Variants in SELENOF observed in about 807,000 individuals in gnomAD.
SELENOF encodes selenoprotein F, also known as 15 kDa selenoprotein.
Under a neutral mutation model 20.5 loss-of-function variants are expected in SELENOF, and 16 were observed. That is an observed-to-expected ratio of 0.78 (90% CI 0.53 to 1.19). The LOEUF (loss-of-function observed/expected upper bound fraction) is 1.19, where lower values mean the gene tolerates loss of function less well. Among genes scored for constraint, SELENOF ranks in the 50% most tolerant of loss-of-function variants. The pLI is 0.00. For missense variants in SELENOF, 215 were observed against 194.2 expected (o/e 1.11, Z -0.64); for synonymous variants, 78 against 74.5 (o/e 1.05, Z -0.24).
Position 86,863,450 on chromosome 1 carries a change from G to C in SELENOF, c.*24C>G, listed in dbSNP as rs372533520. The C allele has an allele frequency of 1.8e-4, 283 of 1,598,992 alleles. 3 individuals are homozygous for C. Among genetic ancestry groups the C allele is most frequent in the South Asian group, 1.2e-3 (103 of 88,944 alleles). ...ATTTCATTTGATAAGGTAACAAAAG[G>C]ATAGGACAAAATTTAAGCAAGATTT... is the stretch of plus-strand genomic sequence containing the variant. On this transcript the variant is annotated 3_prime_UTR_variant, in exon 5 of 5. Transcript: ENST00000331835.
At chr1:86,880,821 A>T (rs1047254259) in intron 2 of SELENOF, 96 bp from the exon 3 acceptor site, 6 of 764,386 alleles carry the variant, frequency 7.8e-6, no homozygotes, top group Admixed American at 6.1e-5. Flanking sequence ...CATTACAGTT[A>T]GCAGATATAT....
At chr1:86,902,360 A>G (rs1028435337) in intron 2 of SELENOF, among the ~76,000 whole-genome samples, 1 of 152,214 alleles carries the variant, frequency 6.6e-6, no homozygotes, top group Admixed American at 6.5e-5. Context: ...TTGGCTGAAT[A>G]CTAACATTTC....
chr1:86,894,332 TG>T (rs1161800229), intron 2 of SELENOF, among the ~76,000 whole-genome samples: 2 of 152,092 alleles, frequency 1.3e-5, no homozygotes, highest in East Asian at 1.9e-4. Context: ...TAGCTTGCTT[TG>T]TTTTTTTATG....
At chr1:86,872,606 C>T (rs1658805878) in intron 3 of SELENOF, among the ~76,000 whole-genome samples, 2 of 147,746 alleles carry the variant, frequency 1.4e-5, no homozygotes, top group South Asian at 4.3e-4. Context: ...GTGTCGAATT[C>T]CCAACCTCAG....
chr1:86,877,218 T>C (rs765488214), intron 3 of SELENOF, among the ~76,000 whole-genome samples: 2 of 152,240 alleles, frequency 1.3e-5, no homozygotes. Flanking sequence ...GTGACTTACA[T>C]GTTATCTCAT....
chr1:86,887,057 T>C, intron 2 of SELENOF: 1 of 1,260,510 alleles, frequency 7.9e-7, no homozygotes, highest in African/African-American at 1.6e-5. Flanking sequence ...GAAAATATTA[T>C]CACCTAAACC....
intron 2 of SELENOF, among the ~76,000 whole-genome samples, chr1:86,889,439 T>C (rs553339928): frequency 9.2e-4 from 139 of 151,848 alleles, no homozygotes; most frequent in Non-Finnish European, 1.5e-3. Flanking sequence ...ACTAAAAATA[T>C]GAAAATCAGC....
At chr1:86,876,529 G>C (rs1010176377) in intron 3 of SELENOF, among the ~76,000 whole-genome samples, 5 of 151,884 alleles carry the variant, frequency 3.3e-5, no homozygotes, top group Non-Finnish European at 5.9e-5. Flanking sequence ...ATTGGTTTAA[G>C]GTACCTATGA....
Position 86,899,581 on chromosome 1 carries a change from G to A in SELENOF, c.252+3700C>T, listed in dbSNP as rs1360968316. Among the ~76,000 whole-genome samples, 61 of 150,716 alleles carry A rather than the reference G, an allele frequency of 4.0e-4. 1 individual carries two copies. Among genetic ancestry groups the A allele is most frequent in the Admixed American group, 3.4e-3 (51 of 15,220 alleles). On this transcript the variant is annotated intron_variant, in intron 2 of 4. Transcript: ENST00000331835. Reference sequence around the variant, plus strand: ...TCCCTCCCGGACGGGGCGGCTGGCCGGGCAGGGGGCTGACCCCCCAACCTC... The same window carrying A: ...TCCCTCCCGGACGGGGCGGCTGGCCAGGCAGGGGGCTGACCCCCCAACCTC...
Position 86,869,658 on chromosome 1 carries a change from A to T in SELENOF, c.317-1556T>A, listed in dbSNP as rs539895283. On this transcript the variant is annotated intron_variant, in intron 3 of 4. Coordinates refer to ENST00000331835, the MANE Select transcript of SELENOF (RefSeq NM_004261.5). Reference sequence around the variant, plus strand: ...ACTTTACCAATTTTCAATAATGATCATGCCTAATTAATTCAAATTAAAAGG... The same window carrying T: ...ACTTTACCAATTTTCAATAATGATCTTGCCTAATTAATTCAAATTAAAAGG... Among the ~76,000 whole-genome samples, 107 of 152,302 alleles carry T rather than the reference A, an allele frequency of 7.0e-4. 1 individual carries two copies. The highest frequency in any genetic ancestry group is 6.8e-3 in the Middle Eastern group (2 of 292).
In SELENOF at chr1:86,907,798, A is replaced by C. The variant is rs567833714; in HGVS notation, c.85-4350T>G. 5.9e-5 allele frequency among the ~76,000 whole-genome samples: 9 copies of C among 152,254 alleles called. No individual in the cohort carries two copies. The East Asian group carries it at 1.7e-3, about 29-fold the overall frequency. On this transcript the variant is annotated intron_variant, in intron 1 of 4. Transcript: ENST00000331835. ...CAGGAGTTTGAGACCAGCCTGGCCA[A>C]CATGGTGAAACCCCGTCTCTACTAA...
chr1:86,912,601 G>A (rs1660012579), intron 1 of SELENOF, among the ~76,000 whole-genome samples: 1 of 152,178 alleles, frequency 6.6e-6, no homozygotes, highest in Non-Finnish European at 1.5e-5. Flanking sequence ...TGCTCTTTTG[G>A]AGTGCTGCCC....
At chr1:86,906,334 T>C (rs890321797) in intron 1 of SELENOF, among the ~76,000 whole-genome samples, 1 of 152,212 alleles carries the variant, frequency 6.6e-6, no homozygotes, top group African/African-American at 2.4e-5. Context: ...AATGAGCAGA[T>C]TGTGTTTTCC....
At position 86,883,695 on chromosome 1, in the gene SELENOF, T is replaced by C. The variant is rs143784048; in HGVS notation, c.253-2970A>G. Among the ~76,000 whole-genome samples, 1,317 of 152,320 alleles carry C rather than the reference T, an allele frequency of 8.6e-3. 16 individuals carry two copies. Among genetic ancestry groups the C allele is most frequent in the Non-Finnish European group, 0.013 (853 of 68,022 alleles). On this transcript the variant is annotated intron_variant, in intron 2 of 4. Transcript: ENST00000331835. ...ATTTCTCTATACCACTGTTTCTTTATATCATGATACATGTGGGAAATGATA... is the reference window on the plus strand; with the variant it reads ...ATTTCTCTATACCACTGTTTCTTTACATCATGATACATGTGGGAAATGATA...
At chr1:86,896,712 C>T (rs1001106687) in intron 2 of SELENOF, among the ~76,000 whole-genome samples, 11 of 152,042 alleles carry the variant, frequency 7.2e-5, no homozygotes, top group South Asian at 4.1e-4. Flanking sequence ...AATGTAGAAA[C>T]GGGAGATCTA....
At chr1:86,874,227 C>A (rs1277114057) in intron 3 of SELENOF, among the ~76,000 whole-genome samples, 7 of 152,024 alleles carry the variant, frequency 4.6e-5, no homozygotes, top group Admixed American at 4.6e-4. Context: ...CCTCGGCCTC[C>A]CAAAGTGGTG....
intron 1 of SELENOF, among the ~76,000 whole-genome samples, chr1:86,908,308 A>T (rs1335891934): frequency 6.6e-6 from 1 of 152,264 alleles, no homozygotes; most frequent in East Asian, 1.9e-4. Context: ...CTCCATGAAA[A>T]TGAATACCAG....
At chr1:86,886,466 GC>G (rs1295100066) in intron 2 of SELENOF, among the ~76,000 whole-genome samples, 1 of 150,500 alleles carries the variant, frequency 6.6e-6, no homozygotes, top group Non-Finnish European at 1.5e-5. Context: ...ATGAGGTACT[GC>G]TTGTAGCTAT....
At chr1:86,911,101 C>T (rs943387624) in intron 1 of SELENOF, among the ~76,000 whole-genome samples, 1 of 152,092 alleles carries the variant, frequency 6.6e-6, no homozygotes, top group South Asian at 2.1e-4. Context: ...TGCCAAAGAA[C>T]AAGAAATTAT....
Sources: gnomAD v4.1 joint callset for allele counts (sites outside exome capture counted in the v4.1 genomes callset) on GRCh38, gnomAD v4.1.1 for gene constraint, MANE v1.5 for transcripts, NCBI Gene and HGNC (gene_info 2026-07-23, HGNC 2026-07-21) for gene names.